ZDHHC11: variants seen among roughly 807,000 people sequenced by gnomAD.
The protein encoded by ZDHHC11 is palmitoyltransferase ZDHHC11.
In ZDHHC11, 44 loss-of-function variants were observed where a neutral mutation model predicts 51.3. That is an observed-to-expected ratio of 0.86 (90% confidence interval 0.67 to 1.10). The LOEUF is 1.10. Ranked by LOEUF, ZDHHC11 falls within the 50% of genes least tolerant of loss-of-function variation. ZDHHC11 has a pLI of 0.00. For missense variants in ZDHHC11, 400 were observed against 537.7 expected, an observed-to-expected ratio of 0.74 and a Z score of 2.53; for synonymous variants, 163 against 222.0, an observed-to-expected ratio of 0.73 and a Z score of 2.36.
At chr5:845,613 C>CAGGG (rs1414772449) in intron 3 of ZDHHC11, among the ~76,000 whole-genome samples, 2 of 152,174 alleles carry the variant, frequency 1.3e-5, no homozygotes, top group African/African-American at 2.4e-5. Flanking sequence ...GCCTCCCTCA[C>CAGGG]AGGGGCTCTG....
chr5:797,427 AAACAT>A (rs1345528200), intron 12 of ZDHHC11, among the ~76,000 whole-genome samples: 1 of 151,768 alleles, frequency 6.6e-6, no homozygotes, highest in Non-Finnish European at 1.5e-5. Context: ...CTAGGACTCT[AAACAT>A]AACATAGCCT....
intron 10 of ZDHHC11, chr5:816,317 T>C (rs1287810758): frequency 1.5e-5 from 5 of 331,710 alleles, no homozygotes; most frequent in African/African-American, 8.6e-5. Flanking sequence ...ACAAAGATAT[T>C]CTCTGGAGGG....
At chr5:852,451 T>A (rs7711616), upstream of ZDHHC11, among the ~76,000 whole-genome samples, 5,720 of 152,284 alleles carry the variant, frequency 0.038, 336 homozygotes, top group African/African-American at 0.13. Context: ...TTGGAAAAAG[T>A]AATACATCCA....
chr5:818,759 G>T (rs1435445351), intron 10 of ZDHHC11, among the ~76,000 whole-genome samples: 2 of 151,562 alleles, frequency 1.3e-5, no homozygotes, highest in Non-Finnish European at 3.0e-5. Flanking sequence ...TACTCGGGAG[G>T]CTGAGGTGGG....
chr5:824,433 G>A (rs963753295), intron 8 of ZDHHC11, among the ~76,000 whole-genome samples: 1 of 151,456 alleles, frequency 6.6e-6, no homozygotes, highest in Admixed American at 6.6e-5. Context: ...TGCAATCCAT[G>A]TTGGGTGATG....
In ZDHHC11 at chr5:802,206, C is replaced by T. The variant is rs149745323; in HGVS notation, c.1182-1042G>A. Among the ~76,000 whole-genome samples, 882 of 150,682 alleles carry T rather than the reference C, an allele frequency of 5.9e-3. 32 individuals are homozygous for T. Among genetic ancestry groups the T allele is most frequent in the Non-Finnish European group, 9.6e-3 (651 of 67,580 alleles). The stretch of plus-strand genomic sequence containing the variant: ...ACTGCTGCTGCAAGACTTCCCAAAC[C>T]ATAGGCAACAATGGGAGTGTCTGCC... On this transcript the variant is annotated intron_variant, in intron 11 of 12. Coordinates refer to ENST00000283441, the MANE Select transcript of ZDHHC11 (RefSeq NM_024786.3).
intron 6 of ZDHHC11, among the ~76,000 whole-genome samples, chr5:834,637 C>G (rs1480121031): frequency 6.6e-6 from 1 of 152,302 alleles, no homozygotes; most frequent in Non-Finnish European, 1.5e-5. Context: ...GAATGAACAC[C>G]TGGCTTTATT....
Position 819,591 on chromosome 5 carries a change from C to T in ZDHHC11, c.1080G>A (p.Arg360=). 1.2e-6 allele frequency: 2 copies of T among 1,609,644 alleles called. No individual in the cohort carries two copies. Among genetic ancestry groups the T allele is most frequent in the Middle Eastern group, 1.7e-4 (1 of 6,054 alleles). The change falls in exon 10 of 13, where the codon CGG becomes CGA. Residue 360 remains arginine, a synonymous_variant. Transcript: ENST00000283441. Reference sequence around the variant, plus strand: ...ACTGACACAGGCGCCTGCAAATCAGCCGGGAGTTCCTGGCCTTGGCTCTGG... The same window carrying T: ...ACTGACACAGGCGCCTGCAAATCAGTCGGGAGTTCCTGGCCTTGGCTCTGG... ...SALGAKARNS[R]LICRRLCQFS...
rs1402756428 is a variant in ZDHHC11 at position 795,655 on chromosome 5, A to T, written c.*933T>A. The T allele has an allele frequency of 6.5e-6, 1 of 153,732 alleles. No individual in the cohort carries two copies. The highest frequency in any genetic ancestry group is 1.5e-5 in the Non-Finnish European group (1 of 67,938). 9.5% of individuals were successfully genotyped at this position (153,732 alleles called of 1,614,324 possible). A position where few individuals can be genotyped will look rare whatever the true frequency, so the allele number is the denominator to read the frequency against. ...TTGGAAAACTGATTATCTTTTAAAA[A>T]ATGACTACTAAACAGATTAAAATGC... On this transcript the variant is annotated 3_prime_UTR_variant, in exon 13 of 13. Coordinates refer to ENST00000283441, the MANE Select transcript of ZDHHC11 (RefSeq NM_024786.3).
upstream of ZDHHC11, among the ~76,000 whole-genome samples, chr5:855,161 G>A (rs1286148392): frequency 1.4e-5 from 2 of 141,640 alleles, no homozygotes; most frequent in Non-Finnish European, 3.0e-5. Flanking sequence ...GGGGGACACA[G>A]ACCCTACAGA....
At chr5:817,277 T>C (rs540438735) in intron 10 of ZDHHC11, among the ~76,000 whole-genome samples, 1 of 151,568 alleles carries the variant, frequency 6.6e-6, no homozygotes, top group Non-Finnish European at 1.5e-5. Context: ...CCTTTGTACT[T>C]ATCAATACTT....
intron 1 of ZDHHC11, chr5:849,569 G>C (rs1746824577): frequency 6.6e-6 from 1 of 152,130 alleles, no homozygotes; most frequent in African/African-American, 2.4e-5. Context: ...GAATAGCTCA[G>C]GGAAACCCCC....
chr5:800,720 G>A lies in ZDHHC11; in HGVS notation c.*7+380C>T, dbSNP rs369174839. On this transcript the variant is annotated intron_variant, in intron 12 of 12. Coordinates refer to ENST00000283441, the MANE Select transcript of ZDHHC11 (RefSeq NM_024786.3). The stretch of plus-strand genomic sequence containing the variant: ...TAAGCAGAAAGCAGGGATAGGTACG[G>A]TCAGAGGCATCTAATCAGAGACCAT... Among the ~76,000 whole-genome samples the A allele has an allele frequency of 9.0e-4, 137 of 151,434 alleles. 1 individual carries two copies. The highest frequency in any genetic ancestry group is 2.8e-3 in the African/African-American group (115 of 41,274).
At chr5:816,306 C>G in intron 10 of ZDHHC11, 1 of 303,274 alleles carries the variant, frequency 3.3e-6, no homozygotes, top group East Asian at 7.9e-5. Context: ...AACAGAAGAT[C>G]ACAAAGATAT....
At chr5:857,967 T>TC (rs1200830143) in intron 1 of ZDHHC11, among the ~76,000 whole-genome samples, 3 of 145,974 alleles carry the variant, frequency 2.1e-5, no homozygotes, top group Admixed American at 1.4e-4. Context: ...TCTGTCCTGG[T>TC]CCCCGTCCTA....
At chr5:856,049 C>G (rs1046853968) in intron 1 of ZDHHC11, among the ~76,000 whole-genome samples, 1 of 152,108 alleles carries the variant, frequency 6.6e-6, no homozygotes, top group East Asian at 1.9e-4. Flanking sequence ...GACGTCACAT[C>G]AGCCAGAGAA....
At position 804,459 on chromosome 5, in the gene ZDHHC11, T is replaced by C. The variant is rs1280632233; in HGVS notation, c.1182-3295A>G. ...TTAAAGAAATAATGGCTGAAAACTT[T>C]CCAAATCTAATTAAAGGAATGAATC... is the stretch of plus-strand genomic sequence containing the variant. On this transcript the variant is annotated intron_variant, in intron 11 of 12. Transcript: ENST00000283441. Among the ~76,000 whole-genome samples, 15 of 151,044 alleles carry C rather than the reference T, an allele frequency of 9.9e-5. 1 individual carries two copies. Among genetic ancestry groups the C allele is most frequent in the African/African-American group, 3.6e-4 (15 of 41,100 alleles).
chr5:832,224 G>C (rs1481841813), intron 7 of ZDHHC11, among the ~76,000 whole-genome samples: 3 of 107,942 alleles, frequency 2.8e-5, no homozygotes, highest in Non-Finnish European at 4.8e-5. Context: ...AAACATCGTA[G>C]TATCTCACTT....
intron 7 of ZDHHC11, among the ~76,000 whole-genome samples, chr5:829,649 A>G (rs1186828574): frequency 1.3e-5 from 2 of 151,504 alleles, no homozygotes; most frequent in East Asian, 3.8e-4. Context: ...TGAAGCCAGT[A>G]TCACCTTAAT....
Sources: gnomAD v4.1 joint callset for allele counts (sites outside exome capture counted in the v4.1 genomes callset) on GRCh38, gnomAD v4.1.1 for gene constraint, MANE v1.5 for transcripts, NCBI Gene and HGNC (gene_info 2026-07-23, HGNC 2026-07-21) for gene names.